Variants in NGLY1 observed in about 807,000 individuals in gnomAD.
NGLY1 encodes the protein N-glycanase 1.
A neutral mutation model predicts 84.6 loss-of-function variants in NGLY1; 68 were observed. That is an observed-to-expected ratio of 0.80 (90% CI 0.66 to 0.98). The LOEUF (loss-of-function observed/expected upper bound fraction) is 0.98, where lower values mean the gene tolerates loss of function less well. NGLY1 is among the 50% of genes least tolerant of loss of function. The pLI is 0.00. For missense variants in NGLY1, 779 were observed against 770.2 expected, an observed-to-expected ratio of 1.01 and a Z score of -0.14; for synonymous variants, 280 against 275.2, an observed-to-expected ratio of 1.02 and a Z score of -0.17.
At chr3:25,724,000 G>A (rs940866237) in intron 10 of NGLY1, among the ~76,000 whole-genome samples, 5 of 152,122 alleles carry the variant, frequency 3.3e-5, no homozygotes, top group East Asian at 1.9e-4. Context: ...GTGTGTCTAC[G>A]GTTTAGGCAT....
At chr3:25,751,755 G>T (rs1706761657) in intron 3 of NGLY1, among the ~76,000 whole-genome samples, 1 of 152,222 alleles carries the variant, frequency 6.6e-6, no homozygotes, top group Non-Finnish European at 1.5e-5. Flanking sequence ...CCCAAGGGCA[G>T]AGAAGCCATA....
At chr3:25,776,539 T>C (rs1335107307) in intron 2 of NGLY1, among the ~76,000 whole-genome samples, 5 of 152,150 alleles carry the variant, frequency 3.3e-5, no homozygotes, top group African/African-American at 4.8e-5. Context: ...TCCTTTGGGG[T>C]TGTAAACTCA....
Position 25,739,785 on chromosome 3 carries a change from C to T in NGLY1, c.673G>A (p.Asp225Asn). 1 of 1,613,572 alleles carries T rather than the reference C, an allele frequency of 6.2e-7. No homozygotes were observed. Among genetic ancestry groups the T allele is most frequent in the Non-Finnish European group, 8.5e-7 (1 of 1,179,846 alleles). The stretch of plus-strand genomic sequence containing the variant: ...AGCTCCAGCAAAAGAAAATCCTCAT[C>T]ACTTATATTGATACCTGAGAAATTA... ...RKLDKGINIS[D>N]EDFLLLELLH... Residue 225 changes from aspartate to asparagine, a missense_variant, in exon 5 of 12, where the codon GAT (aspartate) becomes AAT (asparagine). Asp to Asn is a conservative substitution (Grantham distance 23). Transcript: ENST00000280700.
intron 2 of NGLY1, among the ~76,000 whole-genome samples, chr3:25,776,213 C>T (rs559304394): frequency 2.6e-5 from 4 of 152,198 alleles, no homozygotes; most frequent in South Asian, 2.1e-4. Context: ...TGCCTGAGAC[C>T]GAGGGGTTTT....
chr3:25,739,899 C>G (rs1429190790), intron 4 of NGLY1, 100 bp from the exon 5 acceptor site: 4 of 897,644 alleles, frequency 4.5e-6, no homozygotes, highest in Non-Finnish European at 3.3e-6. Context: ...AATATGAAAA[C>G]ATAAGATGAT....
chr3:25,754,850 A>G lies in NGLY1; in HGVS notation c.493-3587T>C, dbSNP rs111465213. 6 of 599,110 alleles carry G rather than the reference A, an allele frequency of 1.0e-5. 1 individual carries two copies. Among genetic ancestry groups the G allele is most frequent in the African/African-American group, 7.5e-5 (4 of 53,424 alleles). 37.1% of individuals were successfully genotyped at this position (599,110 alleles called of 1,614,324 possible). A position where few individuals can be genotyped will look rare whatever the true frequency, so the allele number is the denominator to read the frequency against. On this transcript the variant is annotated intron_variant, in intron 3 of 11. Coordinates refer to ENST00000280700, the MANE Select transcript of NGLY1 (RefSeq NM_018297.4). Reference sequence around the variant, plus strand: ...GCACTTGAACCACTTGCAGCAGGAGAAAAACCATGAAATGACCAACTAAGT... The same window carrying G: ...GCACTTGAACCACTTGCAGCAGGAGGAAAACCATGAAATGACCAACTAAGT...
At chr3:25,768,638 A>G (rs975132923) in intron 2 of NGLY1, among the ~76,000 whole-genome samples, 49 of 140,554 alleles carry the variant, frequency 3.5e-4, no homozygotes, top group Non-Finnish European at 6.8e-4. Flanking sequence ...ATCTTGGCTC[A>G]CTGCAACCTC....
upstream of NGLY1, among the ~76,000 whole-genome samples, chr3:25,785,596 G>T (rs1464548058): frequency 6.6e-6 from 1 of 151,434 alleles, no homozygotes; most frequent in Non-Finnish European, 1.5e-5. Flanking sequence ...TACTTTGGGA[G>T]GCCGAGGTAG....
chr3:25,772,337 T>C (rs1313103482), intron 2 of NGLY1, among the ~76,000 whole-genome samples: 5 of 152,198 alleles, frequency 3.3e-5, no homozygotes, highest in African/African-American at 9.6e-5. Flanking sequence ...CAGTGTTAGG[T>C]GCATACATAT....
At chr3:25,724,252 G>T (rs1873099) in intron 10 of NGLY1, among the ~76,000 whole-genome samples, 103,731 of 152,018 alleles carry the variant, frequency 0.68, 39,805 homozygotes, top group East Asian at 0.94. Flanking sequence ...TTGTTCTACT[G>T]AGGCTGCTAA....
intron 9 of NGLY1, among the ~76,000 whole-genome samples, chr3:25,730,964 T>C (rs991563529): frequency 3.9e-5 from 6 of 152,114 alleles, no homozygotes; most frequent in Non-Finnish European, 8.8e-5. Flanking sequence ...GGACAGTCTA[T>C]TATACTGCCC....
chr3:25,741,437 T>C (rs955493869), intron 4 of NGLY1, among the ~76,000 whole-genome samples: 28 of 151,854 alleles, frequency 1.8e-4, no homozygotes, highest in Non-Finnish European at 2.4e-4. Context: ...TTAGGACAAA[T>C]AGCTATCTAT....
intron 3 of NGLY1, among the ~76,000 whole-genome samples, chr3:25,758,618 T>A (rs921596118): frequency 4.1e-4 from 62 of 152,308 alleles, no homozygotes; most frequent in African/African-American, 1.4e-3. Context: ...ACATATTATT[T>A]ACTATTTAGA....
chr3:25,745,591 T>TA (rs1706377603), intron 4 of NGLY1, among the ~76,000 whole-genome samples: 1 of 152,232 alleles, frequency 6.6e-6, no homozygotes, highest in Non-Finnish European at 1.5e-5. Context: ...CATGATGCCT[T>TA]ATCCTATTGA....
At chr3:25,740,154 T>A (rs1490920447) in intron 4 of NGLY1, among the ~76,000 whole-genome samples, 1 of 152,136 alleles carries the variant, frequency 6.6e-6, no homozygotes, top group Non-Finnish European at 1.5e-5. Flanking sequence ...TTGAAAAACA[T>A]TTAAAAATGG....
At chr3:25,729,062 G>C in intron 10 of NGLY1, 71 bp downstream of exon 10, 1 of 1,080,606 alleles carries the variant, frequency 9.3e-7, no homozygotes, top group Non-Finnish European at 1.2e-6. Flanking sequence ...TTACACAACT[G>C]AAAAATGAAG....
In NGLY1 at chr3:25,719,437, G is replaced by A; in HGVS notation, c.*23C>T. The A allele has an allele frequency of 6.2e-7, 1 of 1,606,250 alleles. No individual in the cohort carries two copies. The highest frequency in any genetic ancestry group is 8.5e-7 in the Non-Finnish European group (1 of 1,174,076). Reference sequence around the variant, plus strand: ...TTCAGTAAGTCCTTGATTATTGCCAGCTTTTCTATAATGTTCAGGTTCTCA... The same window carrying A: ...TTCAGTAAGTCCTTGATTATTGCCAACTTTTCTATAATGTTCAGGTTCTCA... On this transcript the variant is annotated 3_prime_UTR_variant, in exon 12 of 12. Coordinates refer to ENST00000280700, the MANE Select transcript of NGLY1 (RefSeq NM_018297.4).
At chr3:25,732,607 T>G in intron 8 of NGLY1, 124 bp from the exon 9 acceptor site, 1 of 597,954 alleles carries the variant, frequency 1.7e-6, no homozygotes, top group East Asian at 2.9e-5. Flanking sequence ...TGAATTTTAT[T>G]TTCAAACATA....
chr3:25,727,828 C>G (rs1319520917), intron 10 of NGLY1, among the ~76,000 whole-genome samples: 2 of 152,182 alleles, frequency 1.3e-5, no homozygotes, highest in Admixed American at 6.6e-5. Flanking sequence ...TACTACTTTA[C>G]TAACATTGCT....
Sources: allele counts gnomAD v4.1 joint callset (sites outside exome capture counted in the v4.1 genomes callset), GRCh38; gene constraint gnomAD v4.1.1; transcripts MANE v1.5; gene names NCBI Gene and HGNC (gene_info 2026-07-23, HGNC 2026-07-21).